The following DROSHA variants were observed in gnomAD, a reference collection of about 807,000 sequenced individuals.
The protein encoded by DROSHA is drosha ribonuclease III, also known as ribonuclease 3.
Under a neutral mutation model 181.9 loss-of-function variants are expected in DROSHA, and 56 were observed. The ratio of observed to expected loss-of-function variants is 0.31; its 90% CI spans 0.25 to 0.38. The LOEUF is 0.38. Among genes scored for constraint, DROSHA ranks in the 10% least tolerant of loss-of-function variants. DROSHA has a pLI of 1.00. For missense variants in DROSHA, 1,218 were observed against 1,743.5 expected, an observed-to-expected ratio of 0.70 and a Z score of 5.37; for synonymous variants, 524 against 591.2, an observed-to-expected ratio of 0.89 and a Z score of 1.65.
At chr5:31,504,479 G>T in intron 11 of DROSHA, 76 bp downstream of exon 11, 1 of 1,453,252 alleles carries the variant, frequency 6.9e-7, no homozygotes. Context: ...TTCATTTATG[G>T]GGGAAAGAAC....
At chr5:31,402,628 G>A (rs989892631) in intron 35 of DROSHA, among the ~76,000 whole-genome samples, 2 of 152,044 alleles carry the variant, frequency 1.3e-5, no homozygotes, top group Non-Finnish European at 2.9e-5. Context: ...ATGGATAAGG[G>A]GAGATGACCA....
intron 25 of DROSHA, among the ~76,000 whole-genome samples, chr5:31,433,186 A>C (rs1398615427): frequency 6.6e-6 from 1 of 152,236 alleles, no homozygotes; most frequent in Non-Finnish European, 1.5e-5. Flanking sequence ...AAAAACACAA[A>C]GACAATAAAA....
intron 13 of DROSHA, among the ~76,000 whole-genome samples, chr5:31,491,983 G>A (rs1053634419): frequency 3.3e-5 from 5 of 152,010 alleles, no homozygotes; most frequent in Non-Finnish European, 5.9e-5. Flanking sequence ...TAGTAGAGAC[G>A]GGGTTTCGCC....
intron 11 of DROSHA, among the ~76,000 whole-genome samples, chr5:31,496,576 T>A (rs922038970): frequency 9.9e-5 from 15 of 152,220 alleles, no homozygotes; most frequent in African/African-American, 3.6e-4. Flanking sequence ...TTACACCAGC[T>A]ACTTTCAGCC....
At chr5:31,476,021 T>C (rs55724199) in intron 16 of DROSHA, among the ~76,000 whole-genome samples, 2,023 of 152,224 alleles carry the variant, frequency 0.013, 50 homozygotes, top group African/African-American at 0.046. Context: ...CTGTAGAAAA[T>C]GATTAGTATA....
intron 30 of DROSHA, among the ~76,000 whole-genome samples, chr5:31,415,330 T>G (rs1741806781): frequency 6.6e-6 from 1 of 152,188 alleles, no homozygotes; most frequent in South Asian, 2.1e-4. Context: ...CACACAGCTC[T>G]ATTATAACAA....
At chr5:31,436,741 AACACACACACACACACAC>A (rs58046266) in intron 24 of DROSHA, among the ~76,000 whole-genome samples, 12,956 of 137,742 alleles carry the variant, frequency 0.094, 749 homozygotes, top group Middle Eastern at 0.16. Flanking sequence ...TCTGGAGAGA[AACACACACACACACACAC>A]ACACACACAC....
At chr5:31,420,442 T>G (rs1269478746) in intron 30 of DROSHA, among the ~76,000 whole-genome samples, 1 of 152,208 alleles carries the variant, frequency 6.6e-6, no homozygotes, top group East Asian at 1.9e-4. Flanking sequence ...ATTGATTGGT[T>G]TCACAGAGTA....
chr5:31,526,503 AG>A lies in DROSHA; in HGVS notation c.429del (p.Phe144SerfsTer2). The A allele has an allele frequency of 6.3e-7, 1 of 1,581,890 alleles. No individual in the cohort carries two copies. On this transcript the variant is annotated frameshift_variant, in exon 5 of 36. Coordinates refer to ENST00000344624, the MANE Select transcript of DROSHA (RefSeq NM_001382508.1). LOFTEE classifies it high-confidence loss of function. ...PGAPPGQGTF[P>X]FMMPPPSMPH... The stretch of plus-strand genomic sequence containing the variant: ...GGCATGGAGGGAGGGGGCATCATGA[AG>A]GGGAAAGTGCCTTGTCCAGGAGGTG...
At chr5:31,486,110 A>T (rs1751718804) in intron 14 of DROSHA, among the ~76,000 whole-genome samples, 1 of 152,236 alleles carries the variant, frequency 6.6e-6, no homozygotes, top group Non-Finnish European at 1.5e-5. Context: ...CCAAGCATTG[A>T]TCTTGTCATT....
chr5:31,461,879 T>C (rs1161658130), intron 20 of DROSHA, among the ~76,000 whole-genome samples: 1 of 152,074 alleles, frequency 6.6e-6, no homozygotes, highest in Admixed American at 6.6e-5. Context: ...ACAATTTACT[T>C]TCACAACCCC....
At chr5:31,454,130 A>G (rs1005396872) in intron 20 of DROSHA, among the ~76,000 whole-genome samples, 11 of 152,214 alleles carry the variant, frequency 7.2e-5, no homozygotes, top group Non-Finnish European at 1.3e-4. Flanking sequence ...ATAATGGAAG[A>G]AACTCAAAAT....
chr5:31,461,600 C>G (rs928382550), intron 20 of DROSHA, among the ~76,000 whole-genome samples: 2 of 152,094 alleles, frequency 1.3e-5, no homozygotes, highest in Admixed American at 6.6e-5. Flanking sequence ...GTTACCACTT[C>G]AAACAGTTAC....
chr5:31,409,962 T>C lies in DROSHA; in HGVS notation c.3668-630A>G, dbSNP rs1322089888. On this transcript the variant is annotated intron_variant, in intron 31 of 35. Coordinates refer to ENST00000344624, the MANE Select transcript of DROSHA (RefSeq NM_001382508.1). This position sits in a 1 kb window ranked among gnomAD's most constrained non-coding sequence, Gnocchi z 4.0. ...TCAAAAGAAGGAATAAAAATAGCTT[T>C]CATTGAGCTAAAAAAAAAAAAAAGA... Among the ~76,000 whole-genome samples the C allele has an allele frequency of 7.4e-6, 1 of 135,968 alleles. No individual in the cohort carries two copies. The highest frequency in any genetic ancestry group is 1.5e-5 in the Non-Finnish European group (1 of 66,368). 89.2% of individuals were successfully genotyped at this position (135,968 alleles called of 152,430 possible). A position where few individuals can be genotyped will look rare whatever the true frequency, so the allele number is the denominator to read the frequency against.
At chr5:31,453,928 TA>T (rs59797989) in intron 20 of DROSHA, among the ~76,000 whole-genome samples, 16,062 of 136,004 alleles carry the variant, frequency 0.12, 1,340 homozygotes, top group East Asian at 0.26. Flanking sequence ...CTGCTTTAAT[TA>T]AAAAAAAAAA....
In DROSHA at chr5:31,427,914, A is replaced by G. The variant is rs560220394; in HGVS notation, c.3216+1561T>C. Among the ~76,000 whole-genome samples, 5 of 152,344 alleles carry G rather than the reference A, an allele frequency of 3.3e-5. No individual in the cohort carries two copies. The South Asian group carries it at 1.0e-3, about 32-fold the overall frequency. On this transcript the variant is annotated intron_variant, in intron 27 of 35. Coordinates refer to ENST00000344624, the MANE Select transcript of DROSHA (RefSeq NM_001382508.1). The stretch of plus-strand genomic sequence containing the variant: ...GTTTGTGTACTTCAAAATGCTAAAG[A>G]GGAAAACCCATACATTGTGAGCCTT...
chr5:31,423,043 A>G (rs1742958664), intron 28 of DROSHA, 99 bp from the exon 29 acceptor site: 2 of 1,198,352 alleles, frequency 1.7e-6, no homozygotes, highest in Non-Finnish European at 2.2e-6. Flanking sequence ...TCCTTCTCCC[A>G]TGAGCAGAAA....
chr5:31,451,665 T>A (rs1277779768), intron 20 of DROSHA, 25 bp from the exon 21 acceptor site: 2 of 1,532,926 alleles, frequency 1.3e-6, no homozygotes, highest in African/African-American at 1.4e-5. Flanking sequence ...ATTCAATATG[T>A]TTAACTTTAT....
At chr5:31,452,962 A>G (rs896732856) in intron 20 of DROSHA, among the ~76,000 whole-genome samples, 2 of 152,228 alleles carry the variant, frequency 1.3e-5, no homozygotes, top group African/African-American at 4.8e-5. Flanking sequence ...CAACATGCAC[A>G]ACCAAAGTCT....
Sources: gnomAD v4.1 joint callset for allele counts (sites outside exome capture counted in the v4.1 genomes callset) on GRCh38, gnomAD v4.1.1 for gene constraint, Gnocchi (gnomAD v3.1) non-coding constraint, MANE v1.5 for transcripts, NCBI Gene and HGNC (gene_info 2026-07-23, HGNC 2026-07-21) for gene names.